The following TIMP4 variants were observed in gnomAD, a reference collection of about 807,000 sequenced individuals.
TIMP4 encodes the protein TIMP metallopeptidase inhibitor 4.
A neutral mutation model predicts 27.3 loss-of-function variants in TIMP4; 28 were observed. The ratio of observed to expected loss-of-function variants is 1.03; its 90% CI spans 0.76 to 1.41. The LOEUF is 1.41. Ranked by LOEUF, TIMP4 falls within the 40% of genes most tolerant of loss-of-function variation. The probability of loss-of-function intolerance (pLI) is 0.00; values close to 1 mark genes in which losing one functional copy is unlikely to be tolerated. For missense variants in TIMP4, 307 were observed against 285.5 expected, an observed-to-expected ratio of 1.08 and a Z score of -0.54; for synonymous variants, 138 against 115.5, an observed-to-expected ratio of 1.20 and a Z score of -1.25.
chr3:12,157,117 A>G (rs2279750), intron 2 of TIMP4, among the ~76,000 whole-genome samples, 183 bp from the exon 3 acceptor site: 2 of 152,100 alleles, frequency 1.3e-5, no homozygotes, highest in Non-Finnish European at 2.9e-5. Context: ...ACAACAAAAA[A>G]CACCTAAACC....
At chr3:12,157,611 G>T in intron 1 of TIMP4, 129 bp from the exon 2 acceptor site, 1 of 787,720 alleles carries the variant, frequency 1.3e-6, no homozygotes, top group Non-Finnish European at 2.1e-6. Context: ...TGGGTTGTGA[G>T]CAACGTGATG....
In TIMP4 at chr3:12,158,687, G is replaced by T; in HGVS notation, c.139+15C>A. 1 of 1,609,154 alleles carries T rather than the reference G, an allele frequency of 6.2e-7. No homozygotes were observed. The highest frequency in any genetic ancestry group is 1.1e-5 in the South Asian group (1 of 91,020). On this transcript the variant is annotated intron_variant, in intron 1 of 4. Coordinates refer to ENST00000287814, the MANE Select transcript of TIMP4 (RefSeq NM_003256.4). ...AACCACCCCCTGCTGTGGACCTCGC[G>T]GACCTCGGACTCACCAAGTGCCGAG...
At chr3:12,158,090 T>C (rs1697510905) in intron 1 of TIMP4, among the ~76,000 whole-genome samples, 1 of 152,000 alleles carries the variant, frequency 6.6e-6, no homozygotes, top group Non-Finnish European at 1.5e-5. Flanking sequence ...TGCACACGTG[T>C]AAAGAACAAC....
At chr3:12,155,162 C>T (rs897928781) in intron 3 of TIMP4, among the ~76,000 whole-genome samples, 1 of 152,132 alleles carries the variant, frequency 6.6e-6, no homozygotes, top group Non-Finnish European at 1.5e-5. Flanking sequence ...GAACCTCAGT[C>T]GCTCAATCAT....
Position 12,153,657 on chromosome 3 carries a change from C to T in TIMP4, c.533G>A (p.Trp178Ter). 6.2e-7 allele frequency: 1 copy of T among 1,614,190 alleles called. No individual in the cohort carries two copies. Among genetic ancestry groups the T allele is most frequent in the Non-Finnish European group, 8.5e-7 (1 of 1,180,030 alleles). The change falls in exon 5 of 5, where the codon TGG becomes TAG. Residue 178 changes from tryptophan to a stop codon, truncating the protein, a stop_gained. Coordinates refer to ENST00000287814, the MANE Select transcript of TIMP4 (RefSeq NM_003256.4). LOFTEE classifies it high-confidence loss of function. The part of the protein sequence containing the change: ...CTISAPNECL[W>*]TDWLLERKLY... ...CTTTCGTTCCAACAGCCAGTCTGTC[C>T]AGAGGCACTCGTTAGGGGCCGAGAT...
At chr3:12,153,798 A>G in intron 4 of TIMP4, 86 bp from the exon 5 acceptor site, 4 of 1,447,042 alleles carry the variant, frequency 2.8e-6, no homozygotes, top group Non-Finnish European at 3.9e-6. Flanking sequence ...GTACCTTTCC[A>G]GCCCATCTCA....
chr3:12,158,562 C>G (rs1697529796), intron 1 of TIMP4, 140 bp downstream of exon 1: 1 of 1,290,466 alleles, frequency 7.7e-7, no homozygotes, highest in African/African-American at 1.5e-5. Context: ...TGGTCCTTCT[C>G]CACCCATCAG....
rs1697350799 is a variant in TIMP4, at chr3:12,153,103, G to A, written c.*412C>T. Reference sequence around the variant, plus strand: ...CATTCCTGCCAGTCAGCCTGTTTATGATGCTGTCAAACCACCTTCTGATAC... The same window carrying A: ...CATTCCTGCCAGTCAGCCTGTTTATAATGCTGTCAAACCACCTTCTGATAC... On this transcript the variant is annotated 3_prime_UTR_variant, in exon 5 of 5. Transcript: ENST00000287814. 4.0e-6 allele frequency: 1 copy of A among 251,596 alleles called. No individual in the cohort carries two copies. The highest frequency in any genetic ancestry group is 8.0e-6 in the Non-Finnish European group (1 of 125,144). 15.6% of individuals were successfully genotyped at this position (251,596 alleles called of 1,614,324 possible).
chr3:12,157,938 T>C (rs1386793353), intron 1 of TIMP4, among the ~76,000 whole-genome samples: 1 of 152,240 alleles, frequency 6.6e-6, no homozygotes, highest in African/African-American at 2.4e-5. Flanking sequence ...ACTGAGGTAT[T>C]GCATCTCTTG....
intron 2 of TIMP4, 67 bp downstream of exon 2, chr3:12,157,318 C>A: frequency 6.7e-7 from 1 of 1,499,918 alleles, no homozygotes; most frequent in Non-Finnish European, 9.2e-7. Context: ...ACCAGCCCTC[C>A]CAGAACACAG....
rs554687591 is a variant in TIMP4, at chr3:12,158,307, G to A, written c.139+395C>T. ...TGTGTGTTGCCATAGGGGCTTGGTG[G>A]CAACCTCAGTTATAGGCCTGGACAG... On this transcript the variant is annotated intron_variant, in intron 1 of 4. Coordinates refer to ENST00000287814, the MANE Select transcript of TIMP4 (RefSeq NM_003256.4). Among the ~76,000 whole-genome samples the A allele has an allele frequency of 3.0e-4, 45 of 152,274 alleles. No individual in the cohort carries two copies. The South Asian group carries it at 9.3e-3, about 32-fold the overall frequency.
intron 3 of TIMP4, among the ~76,000 whole-genome samples, chr3:12,154,684 C>T (rs1363195633): frequency 1.3e-5 from 2 of 152,188 alleles, no homozygotes; most frequent in Non-Finnish European, 2.9e-5. Flanking sequence ...AAGGCCTTTT[C>T]GTTTAGCATG....
chr3:12,158,797 A>G lies in TIMP4; in HGVS notation c.44T>C (p.Leu15Pro), dbSNP rs766569527. The change falls in exon 1 of 5, where the codon CTG (leucine) becomes CCG (proline). Residue 15 changes from leucine to proline, a missense_variant. Leu to Pro is a moderately conservative substitution (Grantham distance 98, BLOSUM62 -3). Transcript: ENST00000287814. The stretch of plus-strand genomic sequence containing the variant: ...GGGCCGCAGCAACGCCAGCAGCCGC[A>G]GCAACAGCACCCAGCTTGGCGCGGG... ...PRPAPSWVLLLRLLALLRPPG... is the reference protein window; with the variant it reads ...PRPAPSWVLLPRLLALLRPPG... 1.2e-6 allele frequency: 2 copies of G among 1,603,122 alleles called. No homozygotes were observed. The highest frequency in any genetic ancestry group is 2.2e-5 in the South Asian group (2 of 90,812).
chr3:12,153,329 C>G lies in TIMP4; in HGVS notation c.*186G>C. On this transcript the variant is annotated 3_prime_UTR_variant, in exon 5 of 5. Coordinates refer to ENST00000287814, the MANE Select transcript of TIMP4 (RefSeq NM_003256.4). ...AATGGGGTTTGGGAGGCAGGGGCAA[C>G]AGGCTGAGGGCAGGGCAGAAAAGTC... 1 of 651,782 alleles carries G rather than the reference C, an allele frequency of 1.5e-6. No individual in the cohort carries two copies. The highest frequency in any genetic ancestry group is 2.7e-6 in the Non-Finnish European group (1 of 371,500). 40.4% of individuals were successfully genotyped at this position (651,782 alleles called of 1,614,324 possible).
chr3:12,158,566 C>G (rs1697530069), intron 1 of TIMP4, 136 bp downstream of exon 1: 2 of 1,320,344 alleles, frequency 1.5e-6, no homozygotes, highest in African/African-American at 1.5e-5. Flanking sequence ...CCTTCTCCAC[C>G]CATCAGCCTC....
rs1425771762 is a variant in TIMP4, at chr3:12,157,430, A to G, written c.192T>C (p.Pro64=). 3 of 1,614,066 alleles carry G rather than the reference A, an allele frequency of 1.9e-6. No individual in the cohort carries two copies. In the African/African-American group the frequency reaches 4.0e-5, roughly 22 times the overall value. Residue 64 remains proline (P), a synonymous_variant, in exon 2 of 5, where the codon CCT becomes CCC. Coordinates refer to ENST00000287814, the MANE Select transcript of TIMP4 (RefSeq NM_003256.4). ...SEKVVPASAD[P]ADTEKMLRYE... Reference sequence around the variant, plus strand: ...ACCGGAGCATTTTTTCAGTGTCAGCAGGGTCTGCACTGGCCGGAACTACCT... The same window carrying G: ...ACCGGAGCATTTTTTCAGTGTCAGCGGGGTCTGCACTGGCCGGAACTACCT...
rs1559446065 is a variant in TIMP4, at chr3:12,158,762, C to G, written c.79G>C (p.Gly27Arg). ...LLALLRPPGL[G>R]EACSCAPAHP... ...GCCGGGGCGCAGCTGCATGCCTCAC[C>G]CAGCCCCGGGGGCCGCAGCAACGCC... Residue 27 changes from glycine (G) to arginine (R), a missense_variant, in exon 1 of 5, where the codon GGT (glycine) becomes CGT (arginine). Physicochemically the swap from Gly to Arg is moderately radical, Grantham distance 125 (BLOSUM62 -2). Coordinates refer to ENST00000287814, the MANE Select transcript of TIMP4 (RefSeq NM_003256.4). 1.2e-6 allele frequency: 2 copies of G among 1,606,946 alleles called. No homozygotes were observed. Among genetic ancestry groups the G allele is most frequent in the East Asian group, 2.2e-5 (1 of 44,830 alleles).
intron 1 of TIMP4, among the ~76,000 whole-genome samples, chr3:12,157,844 C>T (rs1458003020): frequency 1.3e-5 from 2 of 152,192 alleles, no homozygotes; most frequent in Non-Finnish European, 2.9e-5. Flanking sequence ...TGAAGTTTAT[C>T]TATTGCTGTG....
chr3:12,154,369 C>A lies in TIMP4; in HGVS notation c.435G>T (p.Arg145Ser), dbSNP rs777886694. ...GATGGTAGTGATGATTCAGACTTTC[C>A]CTCTGCACCAAGGACAGGTCCTCCC... ...EPWEDLSLVQ[R>S]ESLNHHYHLN... is the part of the protein sequence containing the mutation. Residue 145 changes from arginine to serine, a missense_variant, in exon 4 of 5, where the codon AGG becomes AGT. Physicochemically the swap from Arg to Ser is moderately radical, Grantham distance 110. Transcript: ENST00000287814. 6.8e-6 allele frequency: 11 copies of A among 1,614,036 alleles called. No homozygotes were observed. In the East Asian group the frequency reaches 2.5e-4, roughly 36 times the overall value.
Sources: gnomAD v4.1 joint callset for allele counts (sites outside exome capture counted in the v4.1 genomes callset) on GRCh38, gnomAD v4.1.1 for gene constraint, MANE v1.5 for transcripts, NCBI Gene and HGNC (gene_info 2026-07-23, HGNC 2026-07-21) for gene names.